The following NEURL4 variants were observed in gnomAD, a reference collection of about 807,000 sequenced individuals.
The protein encoded by NEURL4 is neuralized-like protein 4.
In NEURL4, 45 loss-of-function variants were observed where a neutral mutation model predicts 148.0. The ratio of observed to expected loss-of-function variants is 0.30; its 90% CI spans 0.24 to 0.39. The LOEUF (loss-of-function observed/expected upper bound fraction) is 0.39, where lower values mean the gene tolerates loss of function less well. Ranked by LOEUF, NEURL4 falls within the 10% of genes least tolerant of loss-of-function variation. NEURL4 has a pLI of 1.00. For missense variants in NEURL4, 1,776 were observed against 2,144.0 expected (o/e 0.83, Z 3.39); for synonymous variants, 854 against 869.0 (o/e 0.98, Z 0.30).
intron 21 of NEURL4, among the ~76,000 whole-genome samples, chr17:7,320,211 T>G (rs2073012318): frequency 7.0e-6 from 1 of 142,900 alleles, no homozygotes; most frequent in African/African-American, 2.6e-5. Flanking sequence ...CGGCTTACTG[T>G]AACCTCTGCC....
Position 7,327,475 on chromosome 17 carries a change from G to C in NEURL4, c.692C>G (p.Ser231Cys), listed in dbSNP as rs1263859643. The change falls in exon 2 of 29, where the codon TCT becomes TGT. Residue 231 changes from serine to cysteine, a missense_variant. Transcript: ENST00000399464. The surrounding 1 kb of genome is among the most constrained non-coding windows in gnomAD (Gnocchi z 6.6). ...AGAGGTCCCCTGTTCAGCCAAGGCA[G>C]AGTCTTCAGTGGGGGCCAAGGGCTC... ...PLEPLAPTED[S>C]ALAEQGTSAD... 8.9e-6 allele frequency: 14 copies of C among 1,572,140 alleles called. No individual in the cohort carries two copies. The highest frequency in any genetic ancestry group is 1.3e-5 in the African/African-American group (1 of 74,342).
chr17:7,320,081 C>T (rs1045281515), intron 21 of NEURL4, among the ~76,000 whole-genome samples: 2 of 151,958 alleles, frequency 1.3e-5, no homozygotes, highest in South Asian at 2.1e-4. Context: ...CTGCCCGCCT[C>T]GGCCTTCCAA....
At position 7,323,863 on chromosome 17, in the gene NEURL4, G is replaced by A. The variant is rs2073063981; in HGVS notation, c.2212C>T (p.Arg738Cys). 6.2e-7 allele frequency: 1 copy of A among 1,614,056 alleles called. No individual in the cohort carries two copies. Among genetic ancestry groups the A allele is most frequent in the Non-Finnish European group, 8.5e-7 (1 of 1,180,034 alleles). ...VITNGGRTAL[R>C]HNCRSEFNDA... ...TTAAACTCGCTGCGACAGTTGTGGC[G>A]GAGGGCGGTGCGGCCCCCGTTAGTG... The change falls in exon 12 of 29, where the codon CGC becomes TGC. Residue 738 changes from arginine to cysteine, a missense_variant. Physicochemically the swap from Arg to Cys is radical, Grantham distance 180. Transcript: ENST00000399464.
chr17:7,319,556 C>T (rs1391737574), intron 21 of NEURL4, among the ~76,000 whole-genome samples: 2 of 150,942 alleles, frequency 1.3e-5, no homozygotes, highest in African/African-American at 4.9e-5. Flanking sequence ...CAAAATTAGC[C>T]GGGCGTAGTG....
chr17:7,325,087 T>C, intron 8 of NEURL4, 107 bp from the exon 9 acceptor site: 1 of 1,549,110 alleles, frequency 6.5e-7, no homozygotes, highest in Non-Finnish European at 8.8e-7. Context: ...GCCAAAGAAC[T>C]AAAGCTCAAC....
Position 7,323,471 on chromosome 17 carries a change from G to A in NEURL4, c.2417+14C>T, listed in dbSNP as rs2073058374. ...ACTCAGCCCCAAGCTGGTCCCCAAA[G>A]CAGGAAGCCCAACCTCAGCATCCAT... On this transcript the variant is annotated intron_variant, in intron 14 of 28. Coordinates refer to ENST00000399464, the MANE Select transcript of NEURL4 (RefSeq NM_032442.3). The A allele has an allele frequency of 3.7e-5, 59 of 1,613,712 alleles. No homozygotes were observed. The highest frequency in any genetic ancestry group is 4.9e-5 in the Non-Finnish European group (58 of 1,179,600).
rs2073063754 is a variant in NEURL4 at position 7,323,846 on chromosome 17, G to A, written c.2229C>T (p.Ser743=). 6.2e-7 allele frequency: 1 copy of A among 1,614,118 alleles called. No individual in the cohort carries two copies. Among genetic ancestry groups the A allele is most frequent in the Non-Finnish European group, 8.5e-7 (1 of 1,180,046 alleles). Residue 743 remains serine, a synonymous_variant, in exon 12 of 29, where the codon AGC becomes AGT. Transcript: ENST00000399464. ...GRTALRHNCR[S]EFNDAIVISN... is the part of the protein sequence containing the mutation. ...AGATGACGATGGCGTCATTAAACTC[G>A]CTGCGACAGTTGTGGCGGAGGGCGG...
rs765271566 is a variant in NEURL4, at chr17:7,321,436, A to G, written c.3123T>C (p.Arg1041=). 1.2e-6 allele frequency: 2 copies of G among 1,613,830 alleles called. No individual in the cohort carries two copies. Among genetic ancestry groups the G allele is most frequent in the Admixed American group, 3.3e-5 (2 of 59,992 alleles). The change falls in exon 19 of 29, where the codon CGT becomes CGC. Residue 1041 remains arginine (R), a synonymous_variant. Coordinates refer to ENST00000399464, the MANE Select transcript of NEURL4 (RefSeq NM_032442.3). This position sits in a 1 kb window ranked among gnomAD's most constrained non-coding sequence, Gnocchi z 6.3. Reference sequence around the variant, plus strand: ...TGTGCATCGTGTCATCTGCCCCCCGACGAACACCCACACGGCTCCCCACCT... The same window carrying G: ...TGTGCATCGTGTCATCTGCCCCCCGGCGAACACCCACACGGCTCCCCACCT... ...RLGVGSRVGV[R]RGADDTMHIL...
chr17:7,321,857 C>A lies in NEURL4; in HGVS notation c.2871+8G>T. Reference sequence around the variant, plus strand: ...TCGCAGCCCCTCTGTCACATCACTACGGCCTACCTCAAAGACTTCCTCAGC... The same window carrying A: ...TCGCAGCCCCTCTGTCACATCACTAAGGCCTACCTCAAAGACTTCCTCAGC... On this transcript the variant is annotated splice_region_variant and intron_variant, in intron 17 of 28. Coordinates refer to ENST00000399464, the MANE Select transcript of NEURL4 (RefSeq NM_032442.3). This position sits in a 1 kb window ranked among gnomAD's most constrained non-coding sequence, Gnocchi z 6.3. 2 of 1,612,936 alleles carry A rather than the reference C, an allele frequency of 1.2e-6. No homozygotes were observed. The highest frequency in any genetic ancestry group is 1.7e-6 in the Non-Finnish European group (2 of 1,179,344).
chr17:7,317,658 G>A (rs1018403544), intron 26 of NEURL4, 85 bp from the exon 27 acceptor site: 3 of 1,563,886 alleles, frequency 1.9e-6, no homozygotes, highest in African/African-American at 1.4e-5. Context: ...CCTTAGACAG[G>A]AAGTCCCTGG....
Position 7,317,367 on chromosome 17 carries a change from G to A in NEURL4, c.4322C>T (p.Thr1441Ile), listed in dbSNP as rs372503142. Residue 1441 changes from threonine (T) to isoleucine (I), a missense_variant, in exon 28 of 29, where the codon ACT becomes ATT. Transcript: ENST00000399464. ...VLDRGELGAGTASILSCRPLK... is the reference protein window; with the variant it reads ...VLDRGELGAGIASILSCRPLK... ...AGGACGGCAGCTCAGGATGGAGGCA[G>A]TACCTGGGAGGAGAACTGGGTCAGG... The A allele has an allele frequency of 2.6e-5, 41 of 1,578,406 alleles. No homozygotes were observed. Among genetic ancestry groups the A allele is most frequent in the African/African-American group, 4.0e-5 (3 of 74,328 alleles).
At chr17:7,320,976 C>A (rs2073024818) in intron 20 of NEURL4, 53 bp from the exon 21 acceptor site, 2 of 1,605,648 alleles carry the variant, frequency 1.2e-6, no homozygotes, top group Non-Finnish European at 8.5e-7. Flanking sequence ...CAGGACTGAC[C>A]CACCCCACTG....
intron 21 of NEURL4, among the ~76,000 whole-genome samples, chr17:7,320,114 G>C (rs2073010857): frequency 6.6e-6 from 1 of 151,924 alleles, no homozygotes; most frequent in Non-Finnish European, 1.5e-5. Context: ...ACAGGCATGA[G>C]CCACTGAGCC....
intron 14 of NEURL4, 28 bp downstream of exon 14, chr17:7,323,457 A>T: frequency 6.2e-7 from 1 of 1,612,526 alleles, no homozygotes; most frequent in Non-Finnish European, 8.5e-7. Flanking sequence ...CTCAGCCCCA[A>T]GCTGGTCCCC....
At position 7,321,669 on chromosome 17, in the gene NEURL4, G is replaced by A. The variant is rs769631879; in HGVS notation, c.2990C>T (p.Ser997Phe). Residue 997 changes from serine (S) to phenylalanine (F), a missense_variant, in exon 18 of 29, where the codon TCC (serine) becomes TTC (phenylalanine). Coordinates refer to ENST00000399464, the MANE Select transcript of NEURL4 (RefSeq NM_032442.3). This position sits in a 1 kb window ranked among gnomAD's most constrained non-coding sequence, Gnocchi z 6.3. ...GGTCTTCGTCCGGAGCTCTGGCAGG[G>A]AAGGAGGCAGCCCTGGGCCACCACC... ...AGGGGPGLPP[S>F]LPELRTKTTW... 6.2e-7 allele frequency: 1 copy of A among 1,613,872 alleles called. No individual in the cohort carries two copies. Among genetic ancestry groups the A allele is most frequent in the Non-Finnish European group, 8.5e-7 (1 of 1,180,038 alleles).
In NEURL4 at chr17:7,316,318, G is replaced by T. The variant is rs1597628220; in HGVS notation, c.4494C>A (p.Asp1498Glu). ...ETLASKVQFR[D>E]PKSQRTHQAQ... is the part of the protein sequence containing the mutation. ...CCTGGTGCGTCCGCTGGGATTTGGG[G>T]TCCCGGAATCTGTCAGACAAGAAAA... Residue 1498 changes from aspartate (D) to glutamate (E), a missense_variant, in exon 29 of 29, where the codon GAC (aspartate) becomes GAA (glutamate). Physicochemically the swap from Asp to Glu is conservative, Grantham distance 45. Transcript: ENST00000399464. 6.2e-7 allele frequency: 1 copy of T among 1,611,936 alleles called. No homozygotes were observed. Among genetic ancestry groups the T allele is most frequent in the African/African-American group, 1.3e-5 (1 of 74,830 alleles).
intron 28 of NEURL4, among the ~76,000 whole-genome samples, chr17:7,316,719 C>T (rs535946078): frequency 6.6e-6 from 1 of 152,162 alleles, no homozygotes; most frequent in African/African-American, 2.4e-5. Context: ...GTCAGGAGAT[C>T]GAGACCATCC....
At position 7,327,549 on chromosome 17, in the gene NEURL4, G is replaced by A. The variant is rs2073118821; in HGVS notation, c.618C>T (p.Pro206=). ...TAGGGGGGCTGAAGCCTGGCTCAGG[G>A]GGTAGCACGGTGATCTGGGTGCACT... is the stretch of plus-strand genomic sequence containing the variant. The part of the protein sequence containing the change: ...YGKCTQITVL[P]PEPGFSPPTP... Residue 206 remains proline (P), a synonymous_variant, in exon 2 of 29, where the codon CCC becomes CCT. Transcript: ENST00000399464. This position sits in a 1 kb window ranked among gnomAD's most constrained non-coding sequence, Gnocchi z 6.6. 5 of 1,610,232 alleles carry A rather than the reference G, an allele frequency of 3.1e-6. No individual in the cohort carries two copies. The highest frequency in any genetic ancestry group is 4.2e-6 in the Non-Finnish European group (5 of 1,179,090).
At chr17:7,316,933 AAAAT>A (rs911242033) in intron 28 of NEURL4, among the ~76,000 whole-genome samples, 11 of 152,160 alleles carry the variant, frequency 7.2e-5, no homozygotes, top group Non-Finnish European at 1.3e-4. Flanking sequence ...AATAAAAATA[AAAAT>A]AAATAAATAA....
Sources: allele counts gnomAD v4.1 joint callset (sites outside exome capture counted in the v4.1 genomes callset), GRCh38; gene constraint gnomAD v4.1.1; non-coding constraint Gnocchi (gnomAD v3.1); transcripts MANE v1.5; gene names NCBI Gene and HGNC (gene_info 2026-07-23, HGNC 2026-07-21).